NDUFA10: variants seen among roughly 807,000 people sequenced by gnomAD.
NDUFA10 encodes NADH:ubiquinone oxidoreductase subunit A10, also known as NADH dehydrogenase [ubiquinone] 1 alpha subcomplex subunit 10, mitochondrial.
NDUFA10 carries 40 observed loss-of-function variants against 47.8 expected under a neutral mutation model. The ratio of observed to expected loss-of-function variants is 0.84; its 90% CI spans 0.65 to 1.09. The LOEUF (loss-of-function observed/expected upper bound fraction) is 1.09. NDUFA10 is among the 50% of genes least tolerant of loss of function. The pLI, the probability that NDUFA10 is intolerant of heterozygous loss-of-function variation, is 0.00. For synonymous variants in NDUFA10, 183 were observed against 172.2 expected (o/e 1.06, Z -0.49); for missense variants, 413 against 451.1 (o/e 0.92, Z 0.76).
intron 4 of NDUFA10, among the ~76,000 whole-genome samples, chr2:239,911,814 C>T (rs1326809845): frequency 6.6e-6 from 1 of 151,938 alleles, no homozygotes; most frequent in Non-Finnish European, 1.5e-5. Flanking sequence ...CCAGTCCACG[C>T]CCTCGGTGAC....
chr2:239,955,177 A>G (rs1559311126), downstream of NDUFA10, among the ~76,000 whole-genome samples: 1 of 152,150 alleles, frequency 6.6e-6, no homozygotes, highest in Non-Finnish European at 1.5e-5. Context: ...ATGGATAGAA[A>G]ATATGTGAAA....
chr2:239,939,224 T>C (rs141388047), intron 4 of NDUFA10, among the ~76,000 whole-genome samples: 36 of 152,292 alleles, frequency 2.4e-4, no homozygotes, highest in African/African-American at 8.4e-4. Context: ...GTCTGTCGGG[T>C]TCCTGCCTTG....
chr2:239,949,614 C>T (rs1694518499), intron 4 of NDUFA10, among the ~76,000 whole-genome samples: 1 of 152,326 alleles, frequency 6.6e-6, no homozygotes, highest in Admixed American at 6.5e-5. Context: ...CCACCTCAGC[C>T]TCCCACATAG....
At position 239,952,093 on chromosome 2, in the gene NDUFA10, C is replaced by T. The variant is rs906434144; in HGVS notation, c.294+37981G>A. Among the ~76,000 whole-genome samples the T allele has an allele frequency of 4.6e-5, 7 of 152,260 alleles. 1 individual carries two copies. The South Asian group carries it at 8.3e-4, about 18-fold the overall frequency. On this transcript the variant is annotated intron_variant, in intron 4 of 5. Transcript: ENST00000419408. The stretch of plus-strand genomic sequence containing the variant: ...TGCACAGGAGCCGCCTGTGAGCCCA[C>T]GGGATGAACCAGCAACACATGTGCC...
rs553524885 is a variant in NDUFA10 at position 239,991,066 on chromosome 2, G to A, written c.891-884C>T. ...AATTATGTGAGTGTATCTGGCTCTC[G>A]GCCAGACTTTGTGAGACAGTCCAGG... On this transcript the variant is annotated intron_variant, in intron 8 of 9. Coordinates refer to ENST00000252711, the MANE Select transcript of NDUFA10 (RefSeq NM_004544.4). 4.6e-5 allele frequency among the ~76,000 whole-genome samples: 7 copies of A among 152,108 alleles called. No individual in the cohort carries two copies. The South Asian group carries it at 8.3e-4, about 18-fold the overall frequency.
intron 8 of NDUFA10, among the ~76,000 whole-genome samples, chr2:240,000,245 G>C (rs1056425585): frequency 6.6e-6 from 1 of 152,296 alleles, no homozygotes; most frequent in Admixed American, 6.5e-5. Context: ...TCCAGAAGAA[G>C]GCATCATTGT....
intron 4 of NDUFA10, among the ~76,000 whole-genome samples, chr2:239,897,461 G>A (rs1350501866): frequency 1.3e-5 from 2 of 152,116 alleles, no homozygotes; most frequent in Non-Finnish European, 2.9e-5. Context: ...TTAGAGACAA[G>A]TTTAGACACA....
chr2:240,003,845 A>G (rs1696830082), intron 8 of NDUFA10, among the ~76,000 whole-genome samples: 1 of 152,174 alleles, frequency 6.6e-6, no homozygotes, highest in Non-Finnish European at 1.5e-5. Flanking sequence ...AGCACCAGCC[A>G]GGACAGAAGA....
intron 4 of NDUFA10, among the ~76,000 whole-genome samples, chr2:239,904,912 C>T (rs115269698): frequency 0.017 from 2,549 of 152,230 alleles, 87 homozygotes; most frequent in African/African-American, 0.058. Flanking sequence ...GCTCCGATCC[C>T]GCCTCTGCAT....
At chr2:239,914,814 AAC>A (rs1225651244) in intron 4 of NDUFA10, among the ~76,000 whole-genome samples, 1 of 148,646 alleles carries the variant, frequency 6.7e-6, no homozygotes, top group Non-Finnish European at 1.5e-5. Flanking sequence ...ACACACACAG[AAC>A]ACACACATAC....
chr2:239,902,628 A>G (rs930730054), intron 4 of NDUFA10, among the ~76,000 whole-genome samples: 7 of 152,188 alleles, frequency 4.6e-5, no homozygotes, highest in Admixed American at 2.6e-4. Flanking sequence ...ACACTTGTAC[A>G]CTCTGTGTCC....
At chr2:239,939,689 C>T (rs1350283112) in intron 4 of NDUFA10, among the ~76,000 whole-genome samples, 1 of 152,210 alleles carries the variant, frequency 6.6e-6, no homozygotes, top group Non-Finnish European at 1.5e-5. Flanking sequence ...GGACAGCTAT[C>T]CTAGCCAAAG....
intron 4 of NDUFA10, among the ~76,000 whole-genome samples, chr2:239,897,624 A>C (rs560582863): frequency 6.6e-6 from 1 of 152,324 alleles, no homozygotes; most frequent in Admixed American, 6.5e-5. Flanking sequence ...AGAGAGTCCC[A>C]GGCTTCCGGA....
chr2:239,999,338 T>C (rs896916295), intron 8 of NDUFA10, among the ~76,000 whole-genome samples: 7 of 152,188 alleles, frequency 4.6e-5, no homozygotes, highest in Admixed American at 2.0e-4. Context: ...CACCTGGCCC[T>C]TTAGATCTCC....
Position 239,988,159 on chromosome 2 carries a change from A to C in NDUFA10, c.999+1915T>G, listed in dbSNP as rs187095207. Among the ~76,000 whole-genome samples, 122 of 152,332 alleles carry C rather than the reference A, an allele frequency of 8.0e-4. 2 individuals carry two copies. The South Asian group carries it at 0.014, about 18-fold the overall frequency. ...GCAAATTACAAGGTATCCATATTGAATATAAAGACACAGAAAGCTTGAAAT... is the reference window on the plus strand; with the variant it reads ...GCAAATTACAAGGTATCCATATTGACTATAAAGACACAGAAAGCTTGAAAT... On this transcript the variant is annotated intron_variant, in intron 9 of 9. Transcript: ENST00000252711.
In NDUFA10 at chr2:240,021,300, A is replaced by T; in HGVS notation, c.357T>A (p.Asp119Glu). 6.2e-7 allele frequency: 1 copy of T among 1,614,194 alleles called. No individual in the cohort carries two copies. Residue 119 changes from aspartate to glutamate, a missense_variant, in exon 3 of 10, where the codon GAT becomes GAA. Transcript: ENST00000252711. ...TGTTGCCATCATTGCTTCTCGGATCATCGTAAAATTTCTCCAAACTACAGT... is the reference window on the plus strand; with the variant it reads ...TGTTGCCATCATTGCTTCTCGGATCTTCGTAAAATTTCTCCAAACTACAGT... ...NGNCSLEKFY[D>E]DPRSNDGNSY...
At chr2:239,923,214 C>G (rs10197872) in intron 4 of NDUFA10, among the ~76,000 whole-genome samples, 71,841 of 151,984 alleles carry the variant, frequency 0.47, 17,938 homozygotes, top group African/African-American at 0.66. Flanking sequence ...CACAAATAAA[C>G]TTGTAGACTT....
chr2:239,938,635 A>T (rs1694308368), intron 4 of NDUFA10, among the ~76,000 whole-genome samples: 1 of 152,178 alleles, frequency 6.6e-6, no homozygotes, highest in Non-Finnish European at 1.5e-5. Context: ...TCTGGATCTC[A>T]GTCTCCTCTC....
chr2:239,933,036 G>A (rs1397446369), intron 4 of NDUFA10, among the ~76,000 whole-genome samples: 1 of 152,180 alleles, frequency 6.6e-6, no homozygotes, highest in Non-Finnish European at 1.5e-5. Flanking sequence ...TGTAGGTTGT[G>A]GTCTGTCTCC....
Sources: allele counts gnomAD v4.1 joint callset (sites outside exome capture counted in the v4.1 genomes callset), GRCh38; gene constraint gnomAD v4.1.1; transcripts MANE v1.5; gene names NCBI Gene and HGNC (gene_info 2026-07-23, HGNC 2026-07-21).